The following CAST variants were observed in gnomAD, a reference collection of about 807,000 sequenced individuals.
CAST encodes MIR583 host.
A neutral mutation model predicts 119.6 loss-of-function variants in CAST; 76 were observed. That is an observed-to-expected ratio of 0.64 (90% confidence interval 0.53 to 0.77). CAST has a LOEUF of 0.77. Ranked by LOEUF, CAST falls within the 30% of genes least tolerant of loss-of-function variation. The probability of loss-of-function intolerance (pLI) is 0.00; values close to 1 mark genes in which losing one functional copy is unlikely to be tolerated. For missense variants in CAST, 953 were observed against 946.5 expected (o/e 1.01, Z -0.09); for synonymous variants, 319 against 331.6 (o/e 0.96, Z 0.41).
chr5:96,401,886 A>G, the CAST span, among the ~76,000 whole-genome samples: 1 of 152,228 alleles, frequency 6.6e-6, no homozygotes, highest in Non-Finnish European at 1.5e-5. Context: ...GAGACTGAAC[A>G]TGCCTAAGTG....
the CAST span, among the ~76,000 whole-genome samples, chr5:96,475,185 C>T: frequency 1.3e-5 from 2 of 152,250 alleles, no homozygotes; most frequent in Admixed American, 1.3e-4. Flanking sequence ...GTCGGAGAGG[C>T]CCCTCATCCC....
At chr5:96,599,749 G>A (rs1026062885) in intron 1 of CAST, among the ~76,000 whole-genome samples, 1 of 152,018 alleles carries the variant, frequency 6.6e-6, no homozygotes, top group African/African-American at 2.4e-5. Context: ...CACACTTGGG[G>A]CACAGAATTA....
rs924323747 is a variant in CAST at position 96,662,496 on chromosome 5, A to T, written c.74A>T (p.Glu25Val). 1.7e-5 allele frequency: 24 copies of T among 1,406,430 alleles called. No homozygotes were observed. The highest frequency in any genetic ancestry group is 2.2e-5 in the Non-Finnish European group (24 of 1,085,944). 87.1% of individuals were successfully genotyped at this position (1,406,430 alleles called of 1,614,324 possible). A position where few individuals can be genotyped will look rare whatever the true frequency, so the allele number is the denominator to read the frequency against. Residue 25 changes from glutamate to valine, a missense_variant and splice_region_variant, in exon 1 of 32, where the codon GAG (glutamate) becomes GTG (valine). Coordinates refer to ENST00000675179, the MANE Select transcript of CAST (RefSeq NM_001750.7). ...RRAAAARRTH[E>V]HVSEKTSESP... ...GCAGCCGCCGCCCGCCGCACCCATG[A>T]GGTGAGTGGCGCTCCTGTCGGCGTC...
At chr5:95,966,596 A>C in the CAST span, among the ~76,000 whole-genome samples, 157 of 152,188 alleles carry the variant, frequency 1.0e-3, no homozygotes, top group Admixed American at 3.8e-3. Flanking sequence ...TGTGATTTGG[A>C]AGTAAGGAAA....
chr5:96,726,915 C>T, intron 5 of CAST, 56 bp downstream of exon 5: 3 of 1,194,860 alleles, frequency 2.5e-6, no homozygotes, highest in Admixed American at 3.6e-5. Flanking sequence ...ACATCACCCG[C>T]TCAGCATGTG....
intron 10 of CAST, among the ~76,000 whole-genome samples, chr5:96,736,730 G>A (rs574094725): frequency 6.6e-6 from 1 of 151,896 alleles, no homozygotes; most frequent in African/African-American, 2.4e-5. Flanking sequence ...AATAATACAA[G>A]GTCCTTTCCT....
the CAST span, among the ~76,000 whole-genome samples, chr5:96,469,866 T>C: frequency 3.2e-5 from 3 of 95,224 alleles, no homozygotes; most frequent in East Asian, 8.1e-4. Flanking sequence ...TATGTGTGTG[T>C]ATATATATAT....
the CAST span, among the ~76,000 whole-genome samples, chr5:95,993,760 A>G: frequency 1.3e-5 from 2 of 152,140 alleles, no homozygotes; most frequent in African/African-American, 4.8e-5. Context: ...TTCAGAATAT[A>G]TAAAGAACTC....
chr5:96,468,745 G>T, the CAST span, among the ~76,000 whole-genome samples: 6 of 152,068 alleles, frequency 3.9e-5, no homozygotes, highest in Non-Finnish European at 8.8e-5. Flanking sequence ...AGGAGCAGTT[G>T]TGTTTGTGCA....
chr5:96,397,467 T>G, the CAST span: 1 of 1,612,782 alleles, frequency 6.2e-7, no homozygotes, highest in Non-Finnish European at 8.5e-7. Flanking sequence ...ACAGTGCTAG[T>G]TCCTATGAAA....
At chr5:96,447,156 G>A in the CAST span, among the ~76,000 whole-genome samples, 1 of 152,216 alleles carries the variant, frequency 6.6e-6, no homozygotes, top group Non-Finnish European at 1.5e-5. Context: ...GGCAAAGGAG[G>A]AATTAAGCAA....
the CAST span, among the ~76,000 whole-genome samples, chr5:96,225,104 C>T: frequency 6.6e-6 from 1 of 152,106 alleles, no homozygotes; most frequent in Non-Finnish European, 1.5e-5. Flanking sequence ...AGTTTAAAAT[C>T]AATATCACAT....
At chr5:96,530,167 G>A (rs951086886) in intron 1 of CAST, among the ~76,000 whole-genome samples, 4 of 151,818 alleles carry the variant, frequency 2.6e-5, no homozygotes, top group African/African-American at 4.8e-5. Context: ...ACAGACTAAC[G>A]TGGGAGGGAG....
chr5:96,600,553 G>A (rs1435943453), intron 1 of CAST, among the ~76,000 whole-genome samples: 1 of 152,198 alleles, frequency 6.6e-6, no homozygotes, highest in Non-Finnish European at 1.5e-5. Flanking sequence ...CAGTTCCCTG[G>A]TGCTAACCTA....
upstream of CAST, among the ~76,000 whole-genome samples, chr5:96,657,922 C>T (rs1748186215): frequency 6.6e-6 from 1 of 152,100 alleles, no homozygotes; most frequent in African/African-American, 2.4e-5. Context: ...CATGGCAAAA[C>T]CTCATCTCTA....
At chr5:96,070,589 G>C in the CAST span, among the ~76,000 whole-genome samples, 1 of 152,192 alleles carries the variant, frequency 6.6e-6, no homozygotes, top group African/African-American at 2.4e-5. Context: ...GGTGATTGGC[G>C]ATGTTGTGAC....
At chr5:96,354,461 G>C in the CAST span, among the ~76,000 whole-genome samples, 1 of 151,766 alleles carries the variant, frequency 6.6e-6, no homozygotes, top group Admixed American at 6.6e-5. Flanking sequence ...AATCAATAAT[G>C]CCTGAGATTC....
chr5:96,552,915 T>A (rs1285181227), intron 1 of CAST, among the ~76,000 whole-genome samples: 1 of 152,114 alleles, frequency 6.6e-6, no homozygotes, highest in African/African-American at 2.4e-5. Flanking sequence ...GAGGCAATAA[T>A]TAACAGCCTA....
chr5:96,397,377 C>G, the CAST span: 1 of 1,612,528 alleles, frequency 6.2e-7, no homozygotes, highest in African/African-American at 1.3e-5. Context: ...ATAGGGTTCT[C>G]TCCCCATGTG....
Sources: gnomAD v4.1 joint callset for allele counts (sites outside exome capture counted in the v4.1 genomes callset) on GRCh38, gnomAD v4.1.1 for gene constraint, MANE v1.5 for transcripts, NCBI Gene and HGNC (gene_info 2026-07-23, HGNC 2026-07-21) for gene names.